TRERF1: variants seen among roughly 807,000 people sequenced by gnomAD.
TRERF1 encodes the protein transcriptional-regulating factor 1.
A neutral mutation model predicts 122.9 loss-of-function variants in TRERF1; 27 were observed. That is an observed-to-expected ratio of 0.22 (90% CI 0.16 to 0.30). The LOEUF (loss-of-function observed/expected upper bound fraction) is 0.30, where lower values mean the gene tolerates loss of function less well. TRERF1 is among the 10% of genes least tolerant of loss of function. TRERF1 has a pLI of 1.00. For synonymous variants in TRERF1, 636 were observed against 641.7 expected, an observed-to-expected ratio of 0.99 and a Z score of 0.13; for missense variants, 1,248 against 1,560.3, an observed-to-expected ratio of 0.80 and a Z score of 3.37.
intron 4 of TRERF1, among the ~76,000 whole-genome samples, chr6:42,283,252 C>T (rs1403033307): frequency 2.0e-5 from 3 of 152,286 alleles, no homozygotes; most frequent in Admixed American, 6.5e-5. Context: ...GAACATGCAT[C>T]GGGCGACTCA....
intron 2 of TRERF1, among the ~76,000 whole-genome samples, chr6:42,448,529 A>C (rs1787934022): frequency 6.6e-6 from 1 of 152,244 alleles, no homozygotes; most frequent in African/African-American, 2.4e-5. Context: ...AGACAAAAAC[A>C]GAAGTTAATC....
chr6:42,355,145 A>G (rs896089321), intron 3 of TRERF1, among the ~76,000 whole-genome samples: 4 of 152,228 alleles, frequency 2.6e-5, no homozygotes, highest in Non-Finnish European at 4.4e-5. Context: ...TTGAAGAGGT[A>G]ACGAGTGATG....
At chr6:42,407,372 G>A (rs990012755) in intron 2 of TRERF1, among the ~76,000 whole-genome samples, 7 of 152,130 alleles carry the variant, frequency 4.6e-5, no homozygotes, top group African/African-American at 7.2e-5. Context: ...CTGTCTGCCC[G>A]TCTCTGTTGT....
At chr6:42,300,085 C>T (rs1407783854) in intron 4 of TRERF1, among the ~76,000 whole-genome samples, 2 of 152,174 alleles carry the variant, frequency 1.3e-5, no homozygotes, top group African/African-American at 4.8e-5. Flanking sequence ...ATCTTCAAAC[C>T]CAGTGAGAGA....
At chr6:42,415,498 G>A (rs986240389) in intron 2 of TRERF1, among the ~76,000 whole-genome samples, 1 of 152,034 alleles carries the variant, frequency 6.6e-6, no homozygotes, top group African/African-American at 2.4e-5. Flanking sequence ...TGGCTTTTAC[G>A]CTTTCATTCT....
In TRERF1 at chr6:42,275,001, A is replaced by G. The variant is rs189869376; in HGVS notation, c.-258-5153T>C. On this transcript the variant is annotated intron_variant, in intron 4 of 17. Coordinates refer to ENST00000372922, the Ensembl canonical transcript of TRERF1. The surrounding 1 kb of genome is among the most constrained non-coding windows in gnomAD (Gnocchi z 4.1). ...CCCAGTACCCCTTCTGGGACAGTCAATCAGGTTCTTATATATCCTCCTAGA... is the reference window on the plus strand; with the variant it reads ...CCCAGTACCCCTTCTGGGACAGTCAGTCAGGTTCTTATATATCCTCCTAGA... Among the ~76,000 whole-genome samples, 1 of 152,324 alleles carries G rather than the reference A, an allele frequency of 6.6e-6. No individual in the cohort carries two copies. Among genetic ancestry groups the G allele is most frequent in the African/African-American group, 2.4e-5 (1 of 41,574 alleles).
At position 42,393,584 on chromosome 6, in the gene TRERF1, A is replaced by G. The variant is rs1778100822; in HGVS notation, c.-453-30505T>C. On this transcript the variant is annotated intron_variant, in intron 2 of 17. Transcript: ENST00000372922. This position sits in a 1 kb window ranked among gnomAD's most constrained non-coding sequence, Gnocchi z 4.1. ...TGAAACTAATGCAACCATTTAGTTC[A>G]GTGTGCTTCACCAGAGAATTTCTTT... Among the ~76,000 whole-genome samples, 1 of 152,264 alleles carries G rather than the reference A, an allele frequency of 6.6e-6. No individual in the cohort carries two copies. Among genetic ancestry groups the G allele is most frequent in the South Asian group, 2.1e-4 (1 of 4,838 alleles).
At chr6:42,306,680 G>A (rs1274117879) in intron 3 of TRERF1, among the ~76,000 whole-genome samples, 1 of 152,152 alleles carries the variant, frequency 6.6e-6, no homozygotes, top group Non-Finnish European at 1.5e-5. Context: ...CAGTCCCTCT[G>A]CCTGGGATGC....
intron 2 of TRERF1, among the ~76,000 whole-genome samples, chr6:42,366,486 G>C (rs142083381): frequency 6.6e-4 from 101 of 152,276 alleles, no homozygotes; most frequent in African/African-American, 2.4e-3. Context: ...CCACTCTAAC[G>C]GGGAGGAGGA....
intron 2 of TRERF1, among the ~76,000 whole-genome samples, chr6:42,421,891 C>G (rs1016376241): frequency 6.6e-6 from 1 of 150,794 alleles, no homozygotes; most frequent in Non-Finnish European, 1.5e-5. Flanking sequence ...ACACTGGCCG[C>G]GTGTGGTGGC....
intron 2 of TRERF1, among the ~76,000 whole-genome samples, chr6:42,418,218 C>CTTTTTTTTTTTTTTT (rs34388801): frequency 5.8e-5 from 2 of 34,656 alleles, no homozygotes; most frequent in East Asian, 1.1e-3. Context: ...TTTTTCTTTC[C>CTTTTTTTTTTTTTTT]TTTTTTTTTT....
chr6:42,371,678 T>C (rs1773791339), intron 2 of TRERF1, among the ~76,000 whole-genome samples: 1 of 152,092 alleles, frequency 6.6e-6, no homozygotes, highest in Non-Finnish European at 1.5e-5. Context: ...ATCTGTGACC[T>C]GTGTGAGGCC....
At chr6:42,374,150 A>AAAAAAGAAGAAG in intron 2 of TRERF1, among the ~76,000 whole-genome samples, 1 of 143,962 alleles carries the variant, frequency 6.9e-6, no homozygotes, top group Non-Finnish European at 1.5e-5. Context: ...AAAAAAAAAA[A>AAAAAAGAAGAAG]AAGAAGAAGA....
intron 3 of TRERF1, among the ~76,000 whole-genome samples, chr6:42,336,281 C>T (rs1439978543): frequency 6.6e-6 from 1 of 152,142 alleles, no homozygotes; most frequent in Admixed American, 6.5e-5. Flanking sequence ...GATCCAGGAG[C>T]ACCTGTTCTT....
At chr6:42,362,956 G>A (rs956608464) in intron 3 of TRERF1, 41 bp downstream of exon 3, 1 of 153,732 alleles carries the variant, frequency 6.5e-6, no homozygotes, top group Non-Finnish European at 1.5e-5. Flanking sequence ...CGACTGCTTT[G>A]CTGTAAAATA....
At position 42,392,921 on chromosome 6, in the gene TRERF1, T is replaced by TACACAC. The variant is rs1407835106; in HGVS notation, c.-453-29848_-453-29843dup. Among the ~76,000 whole-genome samples the TACACAC allele has an allele frequency of 1.6e-4, 7 of 42,960 alleles. No homozygotes were observed. In the East Asian group the frequency reaches 4.9e-3, roughly 30 times the overall value. The allele number at this position is 42,960 out of a possible 152,430, so 28.2% of individuals were successfully genotyped here. A position where few individuals can be genotyped will look rare whatever the true frequency, so the allele number is the denominator to read the frequency against. On this transcript the variant is annotated intron_variant, in intron 2 of 17. Transcript: ENST00000372922. ...GTTTAACAAGCAGCACACACACACA[T>TACACAC]ACACACACATACACACACACACACA...
intron 3 of TRERF1, among the ~76,000 whole-genome samples, chr6:42,329,547 G>A (rs1420258059): frequency 2.6e-5 from 4 of 152,112 alleles, no homozygotes; most frequent in East Asian, 3.9e-4. Flanking sequence ...AAGGAACTGA[G>A]GATCACAACC....
chr6:42,255,270 G>C (rs1776524413), intron 12 of TRERF1, among the ~76,000 whole-genome samples: 1 of 152,246 alleles, frequency 6.6e-6, no homozygotes, highest in African/African-American at 2.4e-5. Flanking sequence ...CCTAGGAAAT[G>C]AGTGGGTGAT....
chr6:42,415,981 T>A (rs2151498877), intron 2 of TRERF1, among the ~76,000 whole-genome samples: 1 of 152,240 alleles, frequency 6.6e-6, no homozygotes, highest in Middle Eastern at 3.4e-3. Context: ...TCTCTTTAAG[T>A]CTTTTATGCC....
Sources: gnomAD v4.1 joint callset for allele counts (sites outside exome capture counted in the v4.1 genomes callset) on GRCh38, gnomAD v4.1.1 for gene constraint, Gnocchi (gnomAD v3.1) non-coding constraint, MANE v1.5 for transcripts, NCBI Gene and HGNC (gene_info 2026-07-23, HGNC 2026-07-21) for gene names.